The following MAGI1 variants were observed in gnomAD, a reference collection of about 807,000 sequenced individuals.
The protein encoded by MAGI1 is membrane associated guanylate kinase, WW and PDZ domain containing 1.
Under a neutral mutation model 139.9 loss-of-function variants are expected in MAGI1, and 58 were observed. The ratio of observed to expected loss-of-function variants is 0.41; its 90% CI spans 0.34 to 0.52. The LOEUF (loss-of-function observed/expected upper bound fraction) is 0.52. MAGI1 is among the 20% of genes least tolerant of loss of function. MAGI1 has a pLI of 0.12. For synonymous variants in MAGI1, 812 were observed against 737.9 expected, an observed-to-expected ratio of 1.10 and a Z score of -1.63; for missense variants, 1,874 against 1,901.6, an observed-to-expected ratio of 0.99 and a Z score of 0.27.
chr3:65,641,555 T>C (rs2084986093), intron 1 of MAGI1, among the ~76,000 whole-genome samples: 1 of 152,214 alleles, frequency 6.6e-6, no homozygotes, highest in Non-Finnish European at 1.5e-5. Context: ...CTTCTGTTGA[T>C]AGAGCATCCT....
chr3:65,607,419 C>T (rs1326925090), intron 2 of MAGI1, among the ~76,000 whole-genome samples: 1 of 152,088 alleles, frequency 6.6e-6, no homozygotes, highest in Non-Finnish European at 1.5e-5. Flanking sequence ...CCTTCAACAT[C>T]ATCCTCACTC....
At chr3:65,874,301 C>G (rs1282050436) in intron 1 of MAGI1, 1 of 152,092 alleles carries the variant, frequency 6.6e-6, no homozygotes, top group African/African-American at 2.4e-5. Context: ...TTTAAAAAGC[C>G]TCTGTCTCAA....
chr3:65,729,368 G>A (rs2033962072), intron 1 of MAGI1, among the ~76,000 whole-genome samples: 1 of 152,106 alleles, frequency 6.6e-6, no homozygotes, highest in African/African-American at 2.4e-5. Flanking sequence ...AATACAGTTA[G>A]GATCAAAGTT....
Position 65,429,924 on chromosome 3 carries a change from G to C in MAGI1, c.1763C>G (p.Thr588Ser), listed in dbSNP as rs1294888001. The C allele has an allele frequency of 6.2e-7, 1 of 1,613,990 alleles. No individual in the cohort carries two copies. The change falls in exon 12 of 23, where the codon ACC becomes AGC. Residue 588 changes from threonine (T) to serine (S), a missense_variant. By Grantham distance (58) the Thr-to-Ser change is moderately conservative. This residue lies in a region of MAGI1 where 482 missense variants were observed against 509.6 expected (regional missense o/e 0.95). Transcript: ENST00000402939. ...ACTGTGGCTAGCTGGTGAATCATAG[G>C]TCTCTTGCCCATTCACAATAATTGG... ...KEPIIVNGQE[T>S]YDSPASHSSK...
At chr3:65,944,249 C>A (rs960113524) in intron 1 of MAGI1, among the ~76,000 whole-genome samples, 2 of 152,152 alleles carry the variant, frequency 1.3e-5, no homozygotes, top group Non-Finnish European at 2.9e-5. Flanking sequence ...GGTGCAATGG[C>A]TCAGGCCTGT....
intron 2 of MAGI1, among the ~76,000 whole-genome samples, chr3:65,509,096 C>T (rs2077431573): frequency 6.6e-6 from 1 of 152,144 alleles, no homozygotes; most frequent in Non-Finnish European, 1.5e-5. Context: ...TTCTGGGAAA[C>T]CCACATTTTT....
chr3:65,859,847 C>A (rs965698244), intron 1 of MAGI1, among the ~76,000 whole-genome samples: 1 of 151,890 alleles, frequency 6.6e-6, no homozygotes, highest in Admixed American at 6.6e-5. Flanking sequence ...TGCTTTAACC[C>A]TTACCAAAAA....
chr3:65,586,191 C>G (rs1178971505), intron 2 of MAGI1, among the ~76,000 whole-genome samples: 1 of 150,700 alleles, frequency 6.6e-6, no homozygotes, highest in East Asian at 2.0e-4. Context: ...GCCTGAGCAA[C>G]AGAAAGAGAC....
chr3:65,544,019 A>G (rs1403737247), intron 2 of MAGI1, among the ~76,000 whole-genome samples: 1 of 152,202 alleles, frequency 6.6e-6, no homozygotes, highest in Non-Finnish European at 1.5e-5. Flanking sequence ...TACTCATATG[A>G]CATATGAGTA....
At chr3:65,492,577 A>G (rs1394391025) in intron 3 of MAGI1, among the ~76,000 whole-genome samples, 1 of 152,232 alleles carries the variant, frequency 6.6e-6, no homozygotes, top group Non-Finnish European at 1.5e-5. Flanking sequence ...TGTTAAACAA[A>G]AAGAGCAAGG....
intron 1 of MAGI1, among the ~76,000 whole-genome samples, chr3:65,641,723 T>C (rs1309574019): frequency 1.3e-5 from 2 of 152,152 alleles, no homozygotes; most frequent in Non-Finnish European, 2.9e-5. Flanking sequence ...GGAATTTAAA[T>C]CGTGTTTCTG....
intron 2 of MAGI1, among the ~76,000 whole-genome samples, chr3:65,524,784 G>T (rs1019977810): frequency 6.6e-6 from 1 of 152,098 alleles, no homozygotes; most frequent in Non-Finnish European, 1.5e-5. Context: ...GTGGTCACTC[G>T]CATTCTAACT....
chr3:65,414,722 T>C (rs1946056172), intron 12 of MAGI1, among the ~76,000 whole-genome samples: 1 of 151,832 alleles, frequency 6.6e-6, no homozygotes, highest in African/African-American at 2.4e-5. Context: ...AGATAAATGA[T>C]AACAACCTTT....
At chr3:65,706,252 G>C (rs2030263032) in intron 1 of MAGI1, among the ~76,000 whole-genome samples, 1 of 152,154 alleles carries the variant, frequency 6.6e-6, no homozygotes, top group African/African-American at 2.4e-5. Context: ...CTGTCTGAAA[G>C]GACCAAAATT....
At chr3:65,828,263 G>C (rs1214342564) in intron 1 of MAGI1, among the ~76,000 whole-genome samples, 1 of 152,170 alleles carries the variant, frequency 6.6e-6, no homozygotes, top group African/African-American at 2.4e-5. Flanking sequence ...ATCAGGTTCT[G>C]TCCAAACCTG....
rs2064944396 is a variant in MAGI1, at chr3:65,969,940, TG to T, written c.313+68055del. 4.6e-5 allele frequency among the ~76,000 whole-genome samples: 7 copies of T among 152,252 alleles called. No homozygotes were observed. In the South Asian group the frequency reaches 1.5e-3, roughly 32 times the overall value. On this transcript the variant is annotated intron_variant, in intron 1 of 22. Transcript: ENST00000402939. ...CTTTAGAACAGTTGCCAGCATACCA[TG>T]GGGGCTTAATAAGTACTTGCTGAAT...
chr3:65,555,685 G>A (rs771326390), intron 2 of MAGI1, among the ~76,000 whole-genome samples: 13 of 152,178 alleles, frequency 8.5e-5, no homozygotes, highest in South Asian at 6.2e-4. Context: ...GTGAGACCCC[G>A]TCTCTACAAA....
In MAGI1 at chr3:65,724,432, A is replaced by G. The variant is rs564479825; in HGVS notation, c.314-102344T>C. Among the ~76,000 whole-genome samples, 33 of 152,338 alleles carry G rather than the reference A, an allele frequency of 2.2e-4. No individual in the cohort carries two copies. In the South Asian group the frequency reaches 6.8e-3, roughly 32 times the overall value. On this transcript the variant is annotated intron_variant, in intron 1 of 22. Coordinates refer to ENST00000402939, the MANE Select transcript of MAGI1 (RefSeq NM_001033057.2). ...TTCACCTGAGTATAGTCATAACTAC[A>G]AAGTCTTTGGGTAGGAAATTTTACT... is the stretch of plus-strand genomic sequence containing the variant.
intron 1 of MAGI1, among the ~76,000 whole-genome samples, chr3:65,967,575 T>A (rs1411055396): frequency 6.6e-6 from 1 of 152,102 alleles, no homozygotes; most frequent in African/African-American, 2.4e-5. Context: ...TAAAACTGGG[T>A]CCTCTGCCAG....
Sources: gnomAD v4.1 joint callset for allele counts (sites outside exome capture counted in the v4.1 genomes callset) on GRCh38, gnomAD v4.1.1 for gene constraint, gnomAD v4.1.1 regional missense constraint, MANE v1.5 for transcripts, NCBI Gene and HGNC (gene_info 2026-07-23, HGNC 2026-07-21) for gene names.